SLC6A17: variants seen among roughly 807,000 people sequenced by gnomAD.
SLC6A17 encodes the protein solute carrier family 6 member 17, also known as sodium-dependent neutral amino acid transporter SLC6A17.
Under a neutral mutation model 64.5 loss-of-function variants are expected in SLC6A17, and 21 were observed. That is an observed-to-expected ratio of 0.33 (90% CI 0.23 to 0.47). SLC6A17 has a LOEUF of 0.47. SLC6A17 is among the 20% of genes least tolerant of loss of function. The pLI is 1.00. For synonymous variants in SLC6A17, 372 were observed against 399.5 expected (o/e 0.93, Z 0.82); for missense variants, 682 against 963.2 (o/e 0.71, Z 3.86).
chr1:110,153,314 T>G lies in SLC6A17; in HGVS notation c.-88+2431T>G, dbSNP rs919729839. Among the ~76,000 whole-genome samples the G allele has an allele frequency of 9.8e-5, 15 of 152,334 alleles. No homozygotes were observed. The South Asian group carries it at 3.1e-3, about 32-fold the overall frequency. On this transcript the variant is annotated intron_variant, in intron 1 of 11. Coordinates refer to ENST00000331565, the MANE Select transcript of SLC6A17 (RefSeq NM_001010898.4). ...GAGAACTGTTCAGGAGAGCTGAGAC[T>G]GGCCTCTCCTGGAAAGGAAAGTGAG...
chr1:110,179,859 T>C (rs1343047499), intron 6 of SLC6A17, among the ~76,000 whole-genome samples: 1 of 152,016 alleles, frequency 6.6e-6, no homozygotes, highest in East Asian at 1.9e-4. Flanking sequence ...GGCCTTGGGG[T>C]GCTTCTTTCT....
At position 110,192,310 on chromosome 1, in the gene SLC6A17, C is replaced by G. The variant is rs1305273153; in HGVS notation, c.1106+97C>G. ...CGCAGGTGTGCATGGGGAGAGAGGTCCCCTCCACTCAGACTGAGGAATGGA... is the reference window on the plus strand; with the variant it reads ...CGCAGGTGTGCATGGGGAGAGAGGTGCCCTCCACTCAGACTGAGGAATGGA... On this transcript the variant is annotated intron_variant, in intron 7 of 11. Transcript: ENST00000331565. This position sits in a 1 kb window ranked among gnomAD's most constrained non-coding sequence, Gnocchi z 4.3. 1 of 1,524,098 alleles carries G rather than the reference C, an allele frequency of 6.6e-7. No homozygotes were observed. Among genetic ancestry groups the G allele is most frequent in the Non-Finnish European group, 8.9e-7 (1 of 1,126,140 alleles). 94.4% of individuals were successfully genotyped at this position (1,524,098 alleles called of 1,614,324 possible).
At chr1:110,195,075 T>A in intron 9 of SLC6A17, 1 of 468,622 alleles carries the variant, frequency 2.1e-6, no homozygotes, top group Non-Finnish European at 3.9e-6. Context: ...TGCTGAGTCG[T>A]CTTGGGCAGG....
intron 6 of SLC6A17, among the ~76,000 whole-genome samples, chr1:110,180,582 G>A (rs1183515482): frequency 6.6e-6 from 1 of 152,096 alleles, no homozygotes; most frequent in Non-Finnish European, 1.5e-5. Context: ...AGGGTAGGCC[G>A]ACTCTCAGAA....
chr1:110,195,469 G>A, intron 9 of SLC6A17, 117 bp from the exon 10 acceptor site: 1 of 1,271,776 alleles, frequency 7.9e-7, no homozygotes, highest in Non-Finnish European at 1.1e-6. Context: ...TGGCAGGAGG[G>A]CTGCAGGCAT....
At chr1:110,197,415 G>A (rs775110567) in intron 10 of SLC6A17, 22 bp from the exon 11 acceptor site, 2 of 1,598,328 alleles carry the variant, frequency 1.3e-6, no homozygotes, top group South Asian at 2.3e-5. Context: ...CCAACTGCTG[G>A]ACCCTCTGCT....
Position 110,195,164 on chromosome 1 carries a change from G to T in SLC6A17, c.1492+393G>T, listed in dbSNP as rs530577655. Reference sequence around the variant, plus strand: ...GTGTCCACAGTTCCCTTCGGGGTTTGCTGCGTTGATCTAGGGCCCATAGAG... The same window carrying T: ...GTGTCCACAGTTCCCTTCGGGGTTTTCTGCGTTGATCTAGGGCCCATAGAG... On this transcript the variant is annotated intron_variant, in intron 9 of 11. Coordinates refer to ENST00000331565, the MANE Select transcript of SLC6A17 (RefSeq NM_001010898.4). 2.6e-5 allele frequency among the ~76,000 whole-genome samples: 4 copies of T among 152,342 alleles called. No homozygotes were observed. In the South Asian group the frequency reaches 6.2e-4, roughly 24 times the overall value.
chr1:110,166,892 G>A lies in SLC6A17; in HGVS notation c.-38G>A. 6.4e-7 allele frequency: 1 copy of A among 1,565,634 alleles called. No homozygotes were observed. Among genetic ancestry groups the A allele is most frequent in the Non-Finnish European group, 8.7e-7 (1 of 1,151,582 alleles). Reference sequence around the variant, plus strand: ...AGCAGCTGAATTCCATCTTCTCTGTGTGCTGGGGAGCAGGGCTACACGGCC... The same window carrying A: ...AGCAGCTGAATTCCATCTTCTCTGTATGCTGGGGAGCAGGGCTACACGGCC... On this transcript the variant is annotated 5_prime_UTR_variant, in exon 2 of 12. In the 5' UTR this introduces an upstream ATG that the reference lacks. Coordinates refer to ENST00000331565, the MANE Select transcript of SLC6A17 (RefSeq NM_001010898.4).
intron 6 of SLC6A17, among the ~76,000 whole-genome samples, chr1:110,191,181 A>G (rs770471038): frequency 1.1e-4 from 16 of 152,218 alleles, no homozygotes; most frequent in East Asian, 3.8e-4. Flanking sequence ...CAAAAGCTTC[A>G]TAGCCATTTA....
chr1:110,193,538 G>A (rs1656883445), intron 8 of SLC6A17, among the ~76,000 whole-genome samples: 1 of 152,244 alleles, frequency 6.6e-6, no homozygotes, highest in African/African-American at 2.4e-5. Context: ...CCATCAGCCT[G>A]GGTCAACCCT....
chr1:110,173,922 A>G (rs1656306100), intron 3 of SLC6A17, 51 bp from the exon 4 acceptor site: 5 of 1,556,082 alleles, frequency 3.2e-6, no homozygotes, highest in Non-Finnish European at 4.3e-6. Flanking sequence ...GCGTGGGGGC[A>G]GGGTGGAGTT....
rs1469947627 is a variant in SLC6A17, at chr1:110,195,574, G to C, written c.1493-12G>C. 1 of 1,613,848 alleles carries C rather than the reference G, an allele frequency of 6.2e-7. No individual in the cohort carries two copies. Among genetic ancestry groups the C allele is most frequent in the African/African-American group, 1.3e-5 (1 of 75,038 alleles). On this transcript the variant is annotated splice_polypyrimidine_tract_variant and intron_variant, in intron 9 of 11. Coordinates refer to ENST00000331565, the MANE Select transcript of SLC6A17 (RefSeq NM_001010898.4). ...ACCTTTGCCCCCAAACCGGCCTCCC[G>C]GCTCTCTGTAGTGGGCTGCTGTGTC...
Position 110,176,805 on chromosome 1 carries a change from T to G in SLC6A17, c.864+66T>G. 7.3e-6 allele frequency: 10 copies of G among 1,371,328 alleles called. No individual in the cohort carries two copies. In the Admixed American group the frequency reaches 1.8e-4, roughly 25 times the overall value. 84.9% of individuals were successfully genotyped at this position (1,371,328 alleles called of 1,614,324 possible). ...GGTCTACTGGGCCTGGTCAGCTTCC[T>G]GCAATTTCATGGAATTTAATGCACT... On this transcript the variant is annotated intron_variant, in intron 6 of 11. Coordinates refer to ENST00000331565, the MANE Select transcript of SLC6A17 (RefSeq NM_001010898.4).
intron 1 of SLC6A17, among the ~76,000 whole-genome samples, chr1:110,164,103 C>T (rs1348643977): frequency 1.3e-5 from 2 of 152,288 alleles, no homozygotes; most frequent in East Asian, 3.9e-4. Flanking sequence ...AGACACTTTG[C>T]CTGTTTTGTT....
At chr1:110,178,877 A>G (rs1341936250) in intron 6 of SLC6A17, among the ~76,000 whole-genome samples, 1 of 152,232 alleles carries the variant, frequency 6.6e-6, no homozygotes, top group Non-Finnish European at 1.5e-5. Flanking sequence ...GGAATTTTGA[A>G]GGGATACTAA....
intron 6 of SLC6A17, among the ~76,000 whole-genome samples, chr1:110,183,490 A>G (rs921408883): frequency 6.6e-5 from 10 of 152,172 alleles, no homozygotes; most frequent in African/African-American, 2.2e-4. Context: ...GACATGGGGA[A>G]TGACTCTATG....
Position 110,198,251 on chromosome 1 carries a change from T to A in SLC6A17, c.1991T>A (p.Ile664Asn). 2 of 1,614,100 alleles carry A rather than the reference T, an allele frequency of 1.2e-6. No homozygotes were observed. ...AAGAAGGGCCGCATGATGAAGGACA[T>A]CTCCAACCTGGAGGAGAACGATGAG... is the stretch of plus-strand genomic sequence containing the variant. ...SYKKGRMMKD[I>N]SNLEENDETR... is the part of the protein sequence containing the mutation. The change falls in exon 12 of 12, where the codon ATC becomes AAC. Residue 664 changes from isoleucine to asparagine, a missense_variant. Transcript: ENST00000331565.
In SLC6A17 at chr1:110,199,839, A is replaced by AGATG. The variant is rs1274982635; in HGVS notation, c.*1411_*1414dup. On this transcript the variant is annotated 3_prime_UTR_variant, in exon 12 of 12. Transcript: ENST00000331565. The stretch of plus-strand genomic sequence containing the variant: ...GACCCAAGAGTAAATGTCTGCAGAG[A>AGATG]GATGGATGGATGGATGGATAGATGG... The AGATG allele has an allele frequency of 9.5e-4, 369 of 388,356 alleles. 2 individuals are homozygous for AGATG. The highest frequency in any genetic ancestry group is 6.4e-4 in the Middle Eastern group (1 of 1,558). 24.1% of individuals were successfully genotyped at this position (388,356 alleles called of 1,614,324 possible).
intron 6 of SLC6A17, among the ~76,000 whole-genome samples, chr1:110,184,744 G>A (rs752455179): frequency 1.3e-5 from 2 of 152,116 alleles, no homozygotes; most frequent in Non-Finnish European, 2.9e-5. Context: ...GGACAGTAGG[G>A]AAAAAGAGGA....
Sources: allele counts gnomAD v4.1 joint callset (sites outside exome capture counted in the v4.1 genomes callset), GRCh38; gene constraint gnomAD v4.1.1; non-coding constraint Gnocchi (gnomAD v3.1); transcripts MANE v1.5; gene names NCBI Gene and HGNC (gene_info 2026-07-23, HGNC 2026-07-21).